RNF17: variants seen among roughly 807,000 people sequenced by gnomAD.
RNF17 encodes the protein ring finger protein 17, also known as spermatogenesis associated 23.
In RNF17, 31 loss-of-function variants were observed where a neutral mutation model predicts 200.5. The observed-to-expected ratio is 0.15, with a 90% CI of 0.12 to 0.21. The LOEUF (loss-of-function observed/expected upper bound fraction) is 0.21. RNF17 is among the 10% of genes least tolerant of loss of function. The probability of loss-of-function intolerance (pLI) is 1.00; values close to 1 mark genes in which losing one functional copy is unlikely to be tolerated. For synonymous variants in RNF17, 606 were observed against 637.8 expected (o/e 0.95, Z 0.75); for missense variants, 1,628 against 1,905.1 (o/e 0.85, Z 2.71).
At chr13:24,818,802 G>A (rs976050827) in intron 15 of RNF17, among the ~76,000 whole-genome samples, 3 of 152,018 alleles carry the variant, frequency 2.0e-5, no homozygotes, top group African/African-American at 7.2e-5. Flanking sequence ...CTTGTGGACA[G>A]CATATAGTTG....
chr13:24,883,940 C>T (rs573957771), downstream of RNF17: 92 of 1,614,008 alleles, frequency 5.7e-5, 1 homozygote, highest in Middle Eastern at 6.6e-4. Context: ...AGTGGTTTTT[C>T]TGTGAACATA....
intron 2 of RNF17, among the ~76,000 whole-genome samples, chr13:24,772,672 G>A (rs1880941409): frequency 6.6e-6 from 1 of 150,924 alleles, no homozygotes; most frequent in Non-Finnish European, 1.5e-5. Flanking sequence ...GTGCAGTGGC[G>A]CCATCTCAGC....
chr13:24,877,062 G>C lies in RNF17; in HGVS notation c.4649G>C (p.Gly1550Ala). 1 of 1,613,086 alleles carries C rather than the reference G, an allele frequency of 6.2e-7. No individual in the cohort carries two copies. Among genetic ancestry groups the C allele is most frequent in the South Asian group, 1.1e-5 (1 of 90,848 alleles). Residue 1550 changes from glycine (G) to alanine (A), a missense_variant, in exon 34 of 36, where the codon GGG becomes GCG. Transcript: ENST00000255324. ...CGAGCCATAAAGGTTCTCTTGGCAG[G>C]GTTTAAACCTCCCTTAAGGGATCTA... ...PARAIKVLLA[G>A]FKPPLRDLGE...
At chr13:24,811,027 G>T (rs1370143953) in intron 15 of RNF17, among the ~76,000 whole-genome samples, 3 of 151,670 alleles carry the variant, frequency 2.0e-5, no homozygotes, top group Non-Finnish European at 4.4e-5. Context: ...AGTCTGAGGG[G>T]CTTCCCTTTG....
chr13:24,762,370 A>T (rs111959328), upstream of RNF17, among the ~76,000 whole-genome samples: 4 of 2,870 alleles, frequency 1.4e-3, no homozygotes, highest in East Asian at 0.012. Context: ...CTCCATTTCT[A>T]AAAAAAAAAA....
the RNF17 span, among the ~76,000 whole-genome samples, chr13:24,885,034 C>T: frequency 6.6e-6 from 1 of 152,120 alleles, no homozygotes; most frequent in African/African-American, 2.4e-5. Context: ...AGAAAGGCTG[C>T]AAGAAAGGAA....
the RNF17 span, among the ~76,000 whole-genome samples, chr13:24,753,987 G>A: frequency 1.3e-5 from 2 of 151,776 alleles, no homozygotes; most frequent in Non-Finnish European, 1.5e-5. Flanking sequence ...TAAAACCCCC[G>A]ACTCTACTAA....
Position 24,870,743 on chromosome 13 carries a change from T to C in RNF17, c.4447+4T>C. ...CCTCTGACGGATTTTAGAACAGGTA[T>C]ACTTACTATATTTGAATGAAACAGG... On this transcript the variant is annotated splice_donor_region_variant and intron_variant, in intron 32 of 35. Transcript: ENST00000255324. 6.2e-7 allele frequency: 1 copy of C among 1,612,164 alleles called. No individual in the cohort carries two copies. The highest frequency in any genetic ancestry group is 8.5e-7 in the Non-Finnish European group (1 of 1,178,880).
intron 16 of RNF17, among the ~76,000 whole-genome samples, chr13:24,827,346 A>C (rs970969735): frequency 2.6e-5 from 4 of 152,162 alleles, no homozygotes; most frequent in African/African-American, 9.7e-5. Context: ...TATCAAAACT[A>C]TTCTTGCAAC....
At chr13:24,797,705 A>AGAGTGTGTGTGTGTGT (rs1555269365) in intron 11 of RNF17, among the ~76,000 whole-genome samples, 3 of 119,048 alleles carry the variant, frequency 2.5e-5, no homozygotes, top group South Asian at 3.0e-4. Context: ...AGAGACAAAG[A>AGAGTGTGTGTGTGTGT]GTGTGTGTGT....
At chr13:24,844,877 C>T (rs1385192344) in intron 21 of RNF17, 75 bp downstream of exon 21, 1 of 1,563,048 alleles carries the variant, frequency 6.4e-7, no homozygotes, top group Non-Finnish European at 8.8e-7. Context: ...GGAGTTAAAA[C>T]AGTTTTCATT....
At chr13:24,810,610 G>C (rs1886472593) in intron 15 of RNF17, among the ~76,000 whole-genome samples, 2 of 146,916 alleles carry the variant, frequency 1.4e-5, no homozygotes, top group Non-Finnish European at 3.0e-5. Flanking sequence ...GCCAGTCTGT[G>C]TCTTTTAATT....
chr13:24,765,309 C>G (rs1471352085), intron 1 of RNF17, among the ~76,000 whole-genome samples: 1 of 152,180 alleles, frequency 6.6e-6, no homozygotes. Context: ...GCCACCGCGC[C>G]CGGCCGGTTC....
intron 25 of RNF17, among the ~76,000 whole-genome samples, chr13:24,857,810 A>C (rs949702154): frequency 2.6e-5 from 4 of 152,154 alleles, no homozygotes; most frequent in Non-Finnish European, 5.9e-5. Flanking sequence ...AGGCAGGAGG[A>C]TTGCTTGAGC....
rs759902283 is a variant in RNF17, at chr13:24,843,828, C to T, written c.2688C>T (p.Asn896=). 1.5e-5 allele frequency: 24 copies of T among 1,610,086 alleles called. 1 individual carries two copies. The South Asian group carries it at 2.3e-4, about 16-fold the overall frequency. Residue 896 remains asparagine, a synonymous_variant, in exon 20 of 36, where the codon AAC becomes AAT. Coordinates refer to ENST00000255324, the MANE Select transcript of RNF17 (RefSeq NM_031277.3). ...AAATTATTTCAAATGAAGTACACAA[C>T]TTAAATCCTGTGTCTGCAAAATCTC... is the stretch of plus-strand genomic sequence containing the variant. The part of the protein sequence containing the change: ...PEEIISNEVH[N]LNPVSAKSLP...
At position 24,801,974 on chromosome 13, in the gene RNF17, A is replaced by G. The variant is rs908748898; in HGVS notation, c.1759-407A>G. Among the ~76,000 whole-genome samples, 12 of 150,688 alleles carry G rather than the reference A, an allele frequency of 8.0e-5. No homozygotes were observed. The East Asian group carries it at 9.8e-4, about 12-fold the overall frequency. On this transcript the variant is annotated intron_variant, in intron 13 of 35. Coordinates refer to ENST00000255324, the MANE Select transcript of RNF17 (RefSeq NM_031277.3). ...TAAGTTTGTGGCCCTGGCTGTTTCT[A>G]TTTTTCTTTCTTTTCTTTCTTCTTT...
At position 24,806,440 on chromosome 13, in the gene RNF17, C is replaced by T. The variant is rs142695614; in HGVS notation, c.2091+2011C>T. 2.4e-4 allele frequency among the ~76,000 whole-genome samples: 36 copies of T among 152,058 alleles called. No homozygotes were observed. In the East Asian group the frequency reaches 5.2e-3, roughly 22 times the overall value. ...CTAGATCCTTGAGGAATTGCCACAC[C>T]GGTTGAACTAATTTACACTCCCACC... On this transcript the variant is annotated intron_variant, in intron 15 of 35. Transcript: ENST00000255324.
intron 16 of RNF17, among the ~76,000 whole-genome samples, chr13:24,829,831 C>T (rs1437228575): frequency 2.0e-5 from 3 of 152,142 alleles, no homozygotes; most frequent in Non-Finnish European, 1.5e-5. Context: ...GTACAGAGGT[C>T]TCTCTCTACT....
At chr13:24,883,387 A>AAT (rs377433519), downstream of RNF17, 1 of 1,558,974 alleles carries the variant, frequency 6.4e-7, no homozygotes, top group Non-Finnish European at 8.7e-7. Context: ...ATTTAAAAAA[A>AAT]ATATGATTTC....
Sources: gnomAD v4.1 joint callset for allele counts (sites outside exome capture counted in the v4.1 genomes callset) on GRCh38, gnomAD v4.1.1 for gene constraint, MANE v1.5 for transcripts, NCBI Gene and HGNC (gene_info 2026-07-23, HGNC 2026-07-21) for gene names.